Variants in CDK14 observed in about 807,000 individuals in gnomAD.
CDK14 encodes cyclin-dependent kinase 14.
A neutral mutation model predicts 60.7 loss-of-function variants in CDK14; 34 were observed. The observed-to-expected ratio is 0.56, with a 90% CI of 0.43 to 0.75. The LOEUF is 0.75. CDK14 is among the 30% of genes least tolerant of loss of function. The probability of loss-of-function intolerance (pLI) is 0.00; values close to 1 mark genes in which losing one functional copy is unlikely to be tolerated. For missense variants in CDK14, 482 were observed against 564.1 expected (o/e 0.85, Z 1.47); for synonymous variants, 197 against 203.7 (o/e 0.97, Z 0.28).
At chr7:90,801,634 C>T (rs1035064382) in intron 5 of CDK14, among the ~76,000 whole-genome samples, 3 of 152,192 alleles carry the variant, frequency 2.0e-5, no homozygotes, top group Non-Finnish European at 2.9e-5. Flanking sequence ...TACACAAAGA[C>T]AAAATGTTCC....
chr7:91,128,571 TAAAC>T (rs761446147), intron 14 of CDK14, among the ~76,000 whole-genome samples: 26 of 152,224 alleles, frequency 1.7e-4, no homozygotes, highest in Admixed American at 3.3e-4. Context: ...GATTAATAAA[TAAAC>T]AAACCACTTT....
chr7:90,632,306 C>G lies in CDK14; in HGVS notation c.123+28057C>G. 1.4e-5 allele frequency: 4 copies of G among 290,968 alleles called. No homozygotes were observed. The South Asian group carries it at 1.4e-4, about 10-fold the overall frequency. 18.0% of individuals were successfully genotyped at this position (290,968 alleles called of 1,614,324 possible). A position where few individuals can be genotyped will look rare whatever the true frequency, so the allele number is the denominator to read the frequency against. ...AAGGCATCCCCTCAAGATAACAAAA[C>G]TGTCTCAGAGGCTGAATCAAGGATC... On this transcript the variant is annotated intron_variant, in intron 2 of 14. Transcript: ENST00000380050.
At chr7:90,694,227 A>C (rs1433068151) in intron 2 of CDK14, among the ~76,000 whole-genome samples, 2 of 152,226 alleles carry the variant, frequency 1.3e-5, no homozygotes, top group Non-Finnish European at 1.5e-5. Context: ...TGTTAAGAGT[A>C]ATCTCTAAGG....
intron 4 of CDK14, among the ~76,000 whole-genome samples, chr7:90,772,007 G>C (rs1269414226): frequency 2.6e-5 from 4 of 152,218 alleles, no homozygotes; most frequent in Admixed American, 2.6e-4. Flanking sequence ...AGGTTGATGA[G>C]ACAAGACTAA....
chr7:90,906,102 A>G (rs1792689018), intron 7 of CDK14, among the ~76,000 whole-genome samples: 1 of 152,150 alleles, frequency 6.6e-6, no homozygotes, highest in Non-Finnish European at 1.5e-5. Flanking sequence ...TTTCTGTTTG[A>G]TATATAAACA....
At chr7:90,708,303 A>T (rs1195359429) in intron 2 of CDK14, among the ~76,000 whole-genome samples, 1 of 152,150 alleles carries the variant, frequency 6.6e-6, no homozygotes, top group East Asian at 1.9e-4. Flanking sequence ...TCAAATAAGA[A>T]GTGCTGTTGG....
chr7:91,175,889 A>G (rs1366585803), intron 14 of CDK14, among the ~76,000 whole-genome samples: 2 of 148,060 alleles, frequency 1.4e-5, no homozygotes, highest in African/African-American at 5.0e-5. Flanking sequence ...TGTCAACATT[A>G]GACAGATCAA....
intron 9 of CDK14, among the ~76,000 whole-genome samples, chr7:90,964,485 C>G (rs1794698987): frequency 6.6e-6 from 1 of 152,150 alleles, no homozygotes; most frequent in Admixed American, 6.5e-5. Flanking sequence ...ACAATAAAAC[C>G]TATTTTAAGT....
chr7:90,681,946 T>G (rs1272685156), intron 2 of CDK14, among the ~76,000 whole-genome samples: 1 of 152,226 alleles, frequency 6.6e-6, no homozygotes, highest in East Asian at 1.9e-4. Context: ...ACTGAAAATT[T>G]TAAGGTATAT....
At chr7:91,179,608 C>G (rs376648630) in intron 14 of CDK14, among the ~76,000 whole-genome samples, 1 of 151,978 alleles carries the variant, frequency 6.6e-6, no homozygotes, top group Admixed American at 6.6e-5. Context: ...GGAGAACATC[C>G]TGGCTAACAC....
intron 14 of CDK14, among the ~76,000 whole-genome samples, chr7:91,173,443 T>G (rs803177): frequency 0.89 from 134,517 of 150,748 alleles, 60,391 homozygotes; most frequent in African/African-American, 0.92. Context: ...AAAAAAAAGG[T>G]GGGGAGGAGC....
Position 90,859,528 on chromosome 7 carries a change from T to C in CDK14, c.545-3647T>C, listed in dbSNP as rs563532824. 1.8e-4 allele frequency among the ~76,000 whole-genome samples: 28 copies of C among 152,342 alleles called. 1 individual carries two copies. In the South Asian group the frequency reaches 5.6e-3, roughly 30 times the overall value. On this transcript the variant is annotated intron_variant, in intron 5 of 14. Transcript: ENST00000380050. ...TAAATAATTGAAATTTATTTTAATA[T>C]GTTAAAACATGGGTAAATCTCTTTT...
At chr7:90,872,208 A>G (rs555962561) in intron 6 of CDK14, among the ~76,000 whole-genome samples, 3 of 152,336 alleles carry the variant, frequency 2.0e-5, no homozygotes, top group South Asian at 2.1e-4. Flanking sequence ...TCATGGTACT[A>G]GAACATATTT....
intron 10 of CDK14, among the ~76,000 whole-genome samples, chr7:91,007,503 A>G (rs1027432697): frequency 2.0e-5 from 3 of 152,228 alleles, no homozygotes; most frequent in African/African-American, 7.2e-5. Flanking sequence ...CACCGTATGC[A>G]TTTCCAGACA....
rs1486782515 is a variant in CDK14, at chr7:91,006,718, A to C, written c.1041+22477A>C. On this transcript the variant is annotated intron_variant, in intron 10 of 14. Coordinates refer to ENST00000380050, the MANE Select transcript of CDK14 (RefSeq NM_001287135.2). The stretch of plus-strand genomic sequence containing the variant: ...AACTTTCACTTATATATTTTCTTTT[A>C]TGCCCATGCAATCATTCACATAAAC... Among the ~76,000 whole-genome samples the C allele has an allele frequency of 3.3e-5, 5 of 152,330 alleles. No individual in the cohort carries two copies. The East Asian group carries it at 7.7e-4, about 23-fold the overall frequency.
chr7:90,735,558 G>C (rs189945387), intron 3 of CDK14, among the ~76,000 whole-genome samples: 12 of 152,322 alleles, frequency 7.9e-5, no homozygotes, highest in African/African-American at 2.9e-4. Flanking sequence ...GCGGCCTTTG[G>C]CCTGGCCTTG....
At chr7:91,030,918 G>A (rs879909628) in intron 10 of CDK14, among the ~76,000 whole-genome samples, 1 of 152,194 alleles carries the variant, frequency 6.6e-6, no homozygotes, top group African/African-American at 2.4e-5. Flanking sequence ...GAGACTTCAG[G>A]AAAAGAAAAC....
chr7:91,206,010 G>A (rs992813438), intron 14 of CDK14, among the ~76,000 whole-genome samples: 2 of 152,246 alleles, frequency 1.3e-5, no homozygotes, highest in Middle Eastern at 3.4e-3. Context: ...TGGCCAGGAT[G>A]GTCTCCATCT....
At chr7:91,017,503 G>T (rs1490092518) in intron 10 of CDK14, among the ~76,000 whole-genome samples, 1 of 152,134 alleles carries the variant, frequency 6.6e-6, no homozygotes, top group Non-Finnish European at 1.5e-5. Context: ...TTAGAGAGAT[G>T]AACTCTTTTA....
Sources: gnomAD v4.1 joint callset for allele counts (sites outside exome capture counted in the v4.1 genomes callset) on GRCh38, gnomAD v4.1.1 for gene constraint, MANE v1.5 for transcripts, NCBI Gene and HGNC (gene_info 2026-07-23, HGNC 2026-07-21) for gene names.